The following GGA2 variants were observed in gnomAD, a reference collection of about 807,000 sequenced individuals.
GGA2 encodes ADP-ribosylation factor-binding protein GGA2.
In GGA2, 48 loss-of-function variants were observed where a neutral mutation model predicts 79.5. The ratio of observed to expected loss-of-function variants is 0.60; its 90% CI spans 0.48 to 0.77. The LOEUF (loss-of-function observed/expected upper bound fraction) is 0.77. GGA2 is among the 30% of genes least tolerant of loss of function. The pLI is 0.00. For synonymous variants in GGA2, 317 were observed against 302.0 expected (o/e 1.05, Z -0.51); for missense variants, 770 against 774.0 (o/e 0.99, Z 0.06).
chr16:23,524,136 G>A (rs1054029019), upstream of GGA2: 30 of 572,632 alleles, frequency 5.2e-5, no homozygotes, highest in Admixed American at 3.1e-4. Flanking sequence ...AACCAGACCC[G>A]GAGAATGCCT....
intron 13 of GGA2, among the ~76,000 whole-genome samples, chr16:23,476,340 C>A (rs374339577): frequency 1.3e-5 from 2 of 152,162 alleles, no homozygotes; most frequent in Non-Finnish European, 2.9e-5. Flanking sequence ...GGAACATGGG[C>A]ACTTTCAGGC....
At chr16:23,479,251 C>CA (rs1268871489) in intron 11 of GGA2, among the ~76,000 whole-genome samples, 2 of 151,866 alleles carry the variant, frequency 1.3e-5, no homozygotes, top group African/African-American at 4.8e-5. Flanking sequence ...CTGATTCCCT[C>CA]AGCAGCAGGC....
chr16:23,464,119 T>C lies in GGA2; in HGVS notation c.*3471A>G, dbSNP rs921241488. The C allele has an allele frequency of 6.6e-6, 1 of 152,250 alleles. No homozygotes were observed. Among genetic ancestry groups the C allele is most frequent in the Non-Finnish European group, 1.5e-5 (1 of 68,038 alleles). 9.4% of individuals were successfully genotyped at this position (152,250 alleles called of 1,614,324 possible). ...CTTGCTTTCTAGCTTTAACATTTTCTGTCTCAATTTACACTATTTGTACTA... is the reference window on the plus strand; with the variant it reads ...CTTGCTTTCTAGCTTTAACATTTTCCGTCTCAATTTACACTATTTGTACTA... On this transcript the variant is annotated 3_prime_UTR_variant, in exon 17 of 17. Coordinates refer to ENST00000309859, the MANE Select transcript of GGA2 (RefSeq NM_015044.4).
Position 23,486,724 on chromosome 16 carries a change from T to C in GGA2, c.646A>G (p.Asn216Asp). The change falls in exon 7 of 17, where the codon AAT becomes GAT. Residue 216 changes from asparagine to aspartate, a missense_variant. Coordinates refer to ENST00000309859, the MANE Select transcript of GGA2 (RefSeq NM_015044.4). Reference protein sequence around the residue: ...DLQAANRLIKNLVKEEQEKSE... With the variant: ...DLQAANRLIKDLVKEEQEKSE... ...AGAATGCCCACCTCCTTGACCAAAT[T>C]CTTGATTAACCGGTTTGCAGCCTGA... 1 of 1,606,104 alleles carries C rather than the reference T, an allele frequency of 6.2e-7. No individual in the cohort carries two copies. The highest frequency in any genetic ancestry group is 8.5e-7 in the Non-Finnish European group (1 of 1,172,706).
intron 1 of GGA2, among the ~76,000 whole-genome samples, chr16:23,509,498 T>C (rs2142146566): frequency 6.6e-6 from 1 of 152,196 alleles, no homozygotes; most frequent in East Asian, 1.9e-4. Context: ...CTAAAAAATG[T>C]TTTGGTGAGC....
At position 23,466,302 on chromosome 16, in the gene GGA2, A is replaced by T. The variant is rs1007029068; in HGVS notation, c.*1288T>A. The stretch of plus-strand genomic sequence containing the variant: ...CAGCCAGGCTCAGGTTCCTTCTCCC[A>T]CCCATCAGGCCAAGCAGGACTTGTC... On this transcript the variant is annotated 3_prime_UTR_variant, in exon 17 of 17. Coordinates refer to ENST00000309859, the MANE Select transcript of GGA2 (RefSeq NM_015044.4). 1 of 152,106 alleles carries T rather than the reference A, an allele frequency of 6.6e-6. No homozygotes were observed. Among genetic ancestry groups the T allele is most frequent in the Non-Finnish European group, 1.5e-5 (1 of 68,012 alleles). The allele number at this position is 152,106 out of a possible 1,614,324, so 9.4% of individuals were successfully genotyped here.
Position 23,510,272 on chromosome 16 carries a change from C to T in GGA2, c.91+49G>A, listed in dbSNP as rs776155723. 1.5e-5 allele frequency: 18 copies of T among 1,230,126 alleles called. No homozygotes were observed. The South Asian group carries it at 2.2e-4, about 15-fold the overall frequency. The allele number at this position is 1,230,126 out of a possible 1,614,324, so 76.2% of individuals were successfully genotyped here. A position where few individuals can be genotyped will look rare whatever the true frequency, so the allele number is the denominator to read the frequency against. On this transcript the variant is annotated intron_variant, in intron 1 of 16. Transcript: ENST00000309859. The stretch of plus-strand genomic sequence containing the variant: ...AGGCCCCGGGAGGCGGGAAGCGAGG[C>T]CTCACGTGCGGCGCAGCGGCTGCGC...
chr16:23,470,263 G>A (rs1964493797), intron 14 of GGA2, 98 bp from the exon 15 acceptor site: 2 of 851,926 alleles, frequency 2.3e-6, no homozygotes, highest in Non-Finnish European at 1.8e-6. Flanking sequence ...AGATGCTGTT[G>A]CTTCTCCATG....
chr16:23,470,734 G>T (rs1964499165), intron 14 of GGA2, among the ~76,000 whole-genome samples: 1 of 137,572 alleles, frequency 7.3e-6, no homozygotes, highest in South Asian at 2.6e-4. Context: ...AAGTGACAGA[G>T]CGAGACTCTG....
At position 23,510,313 on chromosome 16, in the gene GGA2, C is replaced by G. The variant is rs1205577608; in HGVS notation, c.91+8G>C. 7.0e-7 allele frequency: 1 copy of G among 1,428,114 alleles called. No individual in the cohort carries two copies. Among genetic ancestry groups the G allele is most frequent in the Non-Finnish European group, 9.2e-7 (1 of 1,087,492 alleles). The allele number at this position is 1,428,114 out of a possible 1,614,324, so 88.5% of individuals were successfully genotyped here. On this transcript the variant is annotated splice_region_variant and intron_variant, in intron 1 of 16. Coordinates refer to ENST00000309859, the MANE Select transcript of GGA2 (RefSeq NM_015044.4). Reference sequence around the variant, plus strand: ...GCGGCTGCGCCGAAGGCCTGCCAGGCTACTCACTGAGCCACAGCTCCAGCG... The same window carrying G: ...GCGGCTGCGCCGAAGGCCTGCCAGGGTACTCACTGAGCCACAGCTCCAGCG...
chr16:23,511,267 C>T (rs1383177365), upstream of GGA2, among the ~76,000 whole-genome samples: 1 of 147,310 alleles, frequency 6.8e-6, no homozygotes, highest in East Asian at 2.1e-4. Context: ...ATTCTCCTGC[C>T]TCAGCGTCCC....
intron 2 of GGA2, among the ~76,000 whole-genome samples, chr16:23,518,294 G>A (rs924106200): frequency 6.6e-6 from 1 of 152,004 alleles, no homozygotes; most frequent in African/African-American, 2.4e-5. Context: ...CTGCTGCCTC[G>A]ACTTCCTGGG....
intron 5 of GGA2, among the ~76,000 whole-genome samples, chr16:23,489,737 A>C (rs748565025): frequency 2.0e-5 from 3 of 152,228 alleles, no homozygotes; most frequent in Non-Finnish European, 2.9e-5. Context: ...AGGCTGCAAC[A>C]AAAAGAAAAT....
chr16:23,501,038 A>G (rs1964916128), intron 1 of GGA2: 1 of 354,362 alleles, frequency 2.8e-6, no homozygotes, highest in Admixed American at 3.9e-5. Flanking sequence ...CTTGGGCAAT[A>G]TATTACAACA....
intron 4 of GGA2, among the ~76,000 whole-genome samples, 173 bp downstream of exon 4, chr16:23,493,187 G>A (rs1282817527): frequency 6.6e-6 from 1 of 152,230 alleles, no homozygotes; most frequent in Admixed American, 6.5e-5. Flanking sequence ...AGGGGCAGGG[G>A]TCAGCTAATG....
At position 23,489,766 on chromosome 16, in the gene GGA2, T is replaced by C. The variant is rs773491406; in HGVS notation, c.476-1057A>G. Among the ~76,000 whole-genome samples, 12 of 152,230 alleles carry C rather than the reference T, an allele frequency of 7.9e-5. No homozygotes were observed. The South Asian group carries it at 1.0e-3, about 13-fold the overall frequency. ...AGAAAATAAGCTCTTCTCCAGAGGC[T>C]CACGAAAACAGCGGGAAGGCCTGAA... On this transcript the variant is annotated intron_variant, in intron 5 of 16. Transcript: ENST00000309859.
chr16:23,510,559 C>CAAA, upstream of GGA2: 1 of 389,370 alleles, frequency 2.6e-6, no homozygotes, highest in Non-Finnish European at 4.5e-6. Flanking sequence ...CCAGGCCCCC[C>CAAA]CTCCACGCGG....
intron 4 of GGA2, among the ~76,000 whole-genome samples, chr16:23,492,577 G>A (rs551712342): frequency 6.6e-6 from 1 of 152,274 alleles, no homozygotes; most frequent in Non-Finnish European, 1.5e-5. Context: ...AGAGTCCAGG[G>A]GAGGGCACAG....
chr16:23,504,063 A>G (rs1199892272), intron 1 of GGA2, among the ~76,000 whole-genome samples: 1 of 151,982 alleles, frequency 6.6e-6, no homozygotes, highest in Non-Finnish European at 1.5e-5. Context: ...CCTGGGTAAT[A>G]AGAGTGAAAC....
Sources: allele counts gnomAD v4.1 joint callset (sites outside exome capture counted in the v4.1 genomes callset), GRCh38; gene constraint gnomAD v4.1.1; transcripts MANE v1.5; gene names NCBI Gene and HGNC (gene_info 2026-07-23, HGNC 2026-07-21).